The following PREP variants were observed in gnomAD, a reference collection of about 807,000 sequenced individuals.
PREP encodes dJ355L5.1 (prolyl endopeptidase).
Under a neutral mutation model 87.6 loss-of-function variants are expected in PREP, and 29 were observed. The ratio of observed to expected loss-of-function variants is 0.33; its 90% CI spans 0.25 to 0.45. PREP has a LOEUF of 0.45. Ranked by LOEUF, PREP falls within the 20% of genes least tolerant of loss-of-function variation. The pLI is 1.00. For synonymous variants in PREP, 337 were observed against 328.6 expected (o/e 1.03, Z -0.28); for missense variants, 695 against 886.5 (o/e 0.78, Z 2.74).
Position 105,323,703 on chromosome 6 carries a change from C to T in PREP, c.1279G>A (p.Val427Ile), listed in dbSNP as rs551134826. Residue 427 changes from valine (V) to isoleucine (I), a missense_variant, in exon 10 of 15, where the codon GTA (valine) becomes ATA (isoleucine). Coordinates refer to ENST00000652536, the MANE Select transcript of PREP (RefSeq NM_002726.5). Reference protein sequence around the residue: ...LEPRVFREVTVKGIDASDYQT... With the variant: ...LEPRVFREVTIKGIDASDYQT... ...TAATCAGAAGCATCAATTCCTTTTA[C>T]GGTCACCTCTCGGAAAACTCTTGGC... 106 of 1,613,218 alleles carry T rather than the reference C, an allele frequency of 6.6e-5. No homozygotes were observed. Among genetic ancestry groups the T allele is most frequent in the Admixed American group, 3.2e-4 (19 of 60,004 alleles).
At chr6:105,323,612 C>G (rs911812131) in intron 10 of PREP, 53 bp downstream of exon 10, 1 of 1,478,104 alleles carries the variant, frequency 6.8e-7, no homozygotes, top group African/African-American at 1.4e-5. Context: ...AATGGCCCAG[C>G]CTGAAAGTCA....
At chr6:105,384,813 T>A (rs902796351) in intron 2 of PREP, among the ~76,000 whole-genome samples, 5 of 151,914 alleles carry the variant, frequency 3.3e-5, no homozygotes, top group African/African-American at 1.2e-4. Context: ...CACACAGGAG[T>A]GGCTGCTGGA....
At chr6:105,337,874 T>A (rs1001058724) in intron 7 of PREP, among the ~76,000 whole-genome samples, 1 of 152,210 alleles carries the variant, frequency 6.6e-6, no homozygotes, top group African/African-American at 2.4e-5. Context: ...AAAAGGTTCA[T>A]AGAACTCTGC....
At chr6:105,298,514 G>A (rs1406121948) in intron 10 of PREP, 1 of 152,712 alleles carries the variant, frequency 6.5e-6, no homozygotes. Flanking sequence ...TGGTGCAGGG[G>A]TTGACACTGT....
intron 9 of PREP, among the ~76,000 whole-genome samples, chr6:105,325,968 A>T (rs1318725080): frequency 6.6e-6 from 1 of 152,150 alleles, no homozygotes; most frequent in Non-Finnish European, 1.5e-5. Context: ...ATGTAAGGAG[A>T]AGTAGGAGTA....
chr6:105,355,652 T>A lies in PREP; in HGVS notation c.718-2575A>T, dbSNP rs928995589. Reference sequence around the variant, plus strand: ...TCTGTATTTTATCAAATTTGTAACATTTTTGGCCACTTGTGTCTCATGTAT... The same window carrying A: ...TCTGTATTTTATCAAATTTGTAACAATTTTGGCCACTTGTGTCTCATGTAT... On this transcript the variant is annotated intron_variant, in intron 6 of 14. Transcript: ENST00000652536. Among the ~76,000 whole-genome samples the A allele has an allele frequency of 2.6e-5, 4 of 152,200 alleles. No individual in the cohort carries two copies. The East Asian group carries it at 7.7e-4, about 29-fold the overall frequency.
At chr6:105,327,334 A>G (rs1256980816) in intron 9 of PREP, among the ~76,000 whole-genome samples, 1 of 152,130 alleles carries the variant, frequency 6.6e-6, no homozygotes, top group Admixed American at 6.5e-5. Flanking sequence ...GGACACCCTG[A>G]AGTCGAATTC....
At position 105,278,199 on chromosome 6, in the gene PREP, A is replaced by G; in HGVS notation, c.2078T>C (p.Val693Ala). 1.2e-6 allele frequency: 2 copies of G among 1,614,164 alleles called. No individual in the cohort carries two copies. Among genetic ancestry groups the G allele is most frequent in the Non-Finnish European group, 1.7e-6 (2 of 1,180,018 alleles). ...GKPTAKVIEE[V>A]SDMFAFIARC... ...CGCGATGAACGCAAACATGTCTGAG[A>G]CTTCCTCTATCACTTTGGCTGTGGG... Residue 693 changes from valine (V) to alanine (A), a missense_variant, in exon 15 of 15, where the codon GTC becomes GCC. Around this residue, in one of 5 missense-constraint regions of PREP, gnomAD observed 121 missense variants for 154.8 expected, o/e 0.78. Transcript: ENST00000652536. The surrounding 1 kb of genome is among the most constrained non-coding windows in gnomAD (Gnocchi z 4.2).
chr6:105,366,627 T>A (rs1389219950), intron 6 of PREP, among the ~76,000 whole-genome samples: 1 of 152,244 alleles, frequency 6.6e-6, no homozygotes, highest in Admixed American at 6.5e-5. Context: ...TTCCACTCTA[T>A]TTGTAAACAC....
chr6:105,375,997 T>G (rs1772676941), intron 4 of PREP, 128 bp downstream of exon 4: 1 of 1,100,504 alleles, frequency 9.1e-7, no homozygotes, highest in Non-Finnish European at 1.2e-6. Flanking sequence ...CCTGATATTG[T>G]ATGTGCATCT....
chr6:105,350,218 A>G (rs951463902), intron 7 of PREP, among the ~76,000 whole-genome samples: 1 of 152,168 alleles, frequency 6.6e-6, no homozygotes, highest in Non-Finnish European at 1.5e-5. Flanking sequence ...AGAAACAAAG[A>G]AAAAAAGAAG....
At chr6:105,360,306 G>A (rs559571070) in intron 6 of PREP, among the ~76,000 whole-genome samples, 1 of 152,296 alleles carries the variant, frequency 6.6e-6, no homozygotes, top group East Asian at 1.9e-4. Flanking sequence ...CCTTGGCAGG[G>A]AGGTCAGAAA....
intron 2 of PREP, among the ~76,000 whole-genome samples, chr6:105,394,975 G>GA (rs900594028): frequency 2.0e-5 from 3 of 152,074 alleles, no homozygotes; most frequent in African/African-American, 7.2e-5. Flanking sequence ...TTGTAATAGT[G>GA]AAAAGTTGAA....
intron 11 of PREP, among the ~76,000 whole-genome samples, chr6:105,286,770 C>T (rs1770195781): frequency 6.6e-6 from 1 of 151,666 alleles, no homozygotes; most frequent in Non-Finnish European, 1.5e-5. Flanking sequence ...TGTTTGATCA[C>T]TTGGTCCTCT....
At chr6:105,388,455 G>GT (rs1216213952) in intron 2 of PREP, among the ~76,000 whole-genome samples, 3 of 133,900 alleles carry the variant, frequency 2.2e-5, no homozygotes, top group Admixed American at 8.2e-5. Flanking sequence ...ATCAAAAACC[G>GT]TATTACAGAA....
intron 9 of PREP, among the ~76,000 whole-genome samples, chr6:105,324,748 C>T (rs996982647): frequency 1.3e-5 from 2 of 152,160 alleles, no homozygotes; most frequent in Non-Finnish European, 2.9e-5. Flanking sequence ...TCTTTCTTCT[C>T]GACTCCTCTG....
intron 1 of PREP, among the ~76,000 whole-genome samples, chr6:105,399,317 T>C (rs1205475160): frequency 6.6e-6 from 1 of 152,166 alleles, no homozygotes; most frequent in African/African-American, 2.4e-5. Flanking sequence ...GAAAACCTAG[T>C]GCTGCTCTAG....
intron 10 of PREP, among the ~76,000 whole-genome samples, chr6:105,305,119 TTATTG>T (rs1770626690): frequency 6.6e-6 from 1 of 152,208 alleles, no homozygotes; most frequent in Non-Finnish European, 1.5e-5. Flanking sequence ...CTTACTTGTT[TTATTG>T]TAAGTAGAAA....
At chr6:105,353,286 G>C (rs1430254180) in intron 6 of PREP, among the ~76,000 whole-genome samples, 1 of 152,160 alleles carries the variant, frequency 6.6e-6, no homozygotes, top group Admixed American at 6.5e-5. Context: ...ACAAAACACA[G>C]TGAATTATTT....
Sources: allele counts gnomAD v4.1 joint callset (sites outside exome capture counted in the v4.1 genomes callset), GRCh38; gene constraint gnomAD v4.1.1; regional missense constraint gnomAD v4.1.1; non-coding constraint Gnocchi (gnomAD v3.1); transcripts MANE v1.5; gene names NCBI Gene and HGNC (gene_info 2026-07-23, HGNC 2026-07-21).